The following RIMS2 variants were observed in gnomAD, a reference collection of about 807,000 sequenced individuals.
RIMS2 encodes regulating synaptic membrane exocytosis 2, also known as regulating synaptic membrane exocytosis protein 2.
In RIMS2, 59 loss-of-function variants were observed where a neutral mutation model predicts 174.4. That is an observed-to-expected ratio of 0.34 (90% CI 0.27 to 0.42). The LOEUF is 0.42. Ranked by LOEUF, RIMS2 falls within the 10% of genes least tolerant of loss-of-function variation. The pLI is 1.00. For missense variants in RIMS2, 1,620 were observed against 1,666.3 expected (o/e 0.97, Z 0.48); for synonymous variants, 606 against 572.5 (o/e 1.06, Z -0.84).
chr8:104,071,066 A>G (rs1742018588), intron 19 of RIMS2, among the ~76,000 whole-genome samples: 1 of 152,180 alleles, frequency 6.6e-6, no homozygotes, highest in African/African-American at 2.4e-5. Context: ...CTCATACAAT[A>G]AAGACAAGTT....
rs187343056 is a variant in RIMS2 at position 104,218,438 on chromosome 8, G to T, written c.3335-26478G>T. Among the ~76,000 whole-genome samples the T allele has an allele frequency of 2.0e-5, 3 of 152,136 alleles. No individual in the cohort carries two copies. In the East Asian group the frequency reaches 5.8e-4, roughly 29 times the overall value. On this transcript the variant is annotated intron_variant, in intron 19 of 23. Transcript: ENST00000504942. ...TTTGGCAACAGGAAACAGTTTTGTCGAAGACAGTTCTTCCACAGACCAGGA... is the reference window on the plus strand; with the variant it reads ...TTTGGCAACAGGAAACAGTTTTGTCTAAGACAGTTCTTCCACAGACCAGGA...
chr8:103,862,630 C>A (rs1348840498), intron 3 of RIMS2, among the ~76,000 whole-genome samples: 1 of 152,046 alleles, frequency 6.6e-6, no homozygotes, highest in Admixed American at 6.6e-5. Context: ...TTGTTGATGT[C>A]ATCTATGATA....
chr8:103,769,671 A>C (rs1251065895), intron 3 of RIMS2, among the ~76,000 whole-genome samples: 2 of 152,164 alleles, frequency 1.3e-5, no homozygotes, highest in Non-Finnish European at 2.9e-5. Flanking sequence ...AACAAATAAA[A>C]ATCTTATATT....
intron 2 of RIMS2, among the ~76,000 whole-genome samples, chr8:103,700,859 G>T (rs2097159066): frequency 6.6e-6 from 1 of 151,954 alleles, no homozygotes; most frequent in African/African-American, 2.4e-5. Context: ...ACCTTCAACT[G>T]ATATTACACT....
intron 17 of RIMS2, among the ~76,000 whole-genome samples, chr8:104,001,290 A>G (rs1242048023): frequency 3.9e-5 from 6 of 151,996 alleles, no homozygotes; most frequent in African/African-American, 1.4e-4. Context: ...GTATATCCCA[A>G]TTACCCAAAT....
intron 19 of RIMS2, among the ~76,000 whole-genome samples, chr8:104,221,677 T>G (rs1190718898): frequency 6.6e-6 from 1 of 152,152 alleles, no homozygotes; most frequent in Non-Finnish European, 1.5e-5. Flanking sequence ...GCAATAAATC[T>G]GGATGAGCCT....
chr8:104,132,645 A>G (rs562203925), intron 19 of RIMS2, among the ~76,000 whole-genome samples: 41 of 152,194 alleles, frequency 2.7e-4, no homozygotes, highest in Non-Finnish European at 1.9e-4. Context: ...ATATAGGAGG[A>G]CAGATAAGCA....
chr8:104,213,830 T>C (rs1056599493), intron 19 of RIMS2, among the ~76,000 whole-genome samples: 1 of 150,986 alleles, frequency 6.6e-6, no homozygotes, highest in African/African-American at 2.4e-5. Flanking sequence ...TGAACCGAGA[T>C]TGAGCCACTG....
At chr8:104,201,491 A>T (rs1035053953) in intron 19 of RIMS2, among the ~76,000 whole-genome samples, 2 of 152,210 alleles carry the variant, frequency 1.3e-5, no homozygotes, top group Non-Finnish European at 2.9e-5. Context: ...AATGTAAAAA[A>T]TTCGGCATCA....
intron 1 of RIMS2, among the ~76,000 whole-genome samples, chr8:103,676,486 C>G (rs1420886624): frequency 6.6e-6 from 1 of 152,016 alleles, no homozygotes; most frequent in Non-Finnish European, 1.5e-5. Context: ...TTTCTTTTTT[C>G]CTTCAGAACA....
intron 1 of RIMS2, among the ~76,000 whole-genome samples, chr8:103,633,713 A>ATTATTGG (rs1376581025): frequency 6.6e-6 from 1 of 152,056 alleles, no homozygotes; most frequent in African/African-American, 2.4e-5. Context: ...TTTGGAGCTC[A>ATTATTGG]TTATTGGTCC....
rs187596027 is a variant in RIMS2, at chr8:103,939,456, C to T, written c.2547+2734C>T. On this transcript the variant is annotated intron_variant, in intron 13 of 23. Coordinates refer to ENST00000504942, the Ensembl canonical transcript of RIMS2. Reference sequence around the variant, plus strand: ...ATACTTGGTGTCACAGCACAGGGACCGTGGGGCCAGCCCACAAAACCATTT... The same window carrying T: ...ATACTTGGTGTCACAGCACAGGGACTGTGGGGCCAGCCCACAAAACCATTT... 1.2e-4 allele frequency among the ~76,000 whole-genome samples: 18 copies of T among 152,286 alleles called. No individual in the cohort carries two copies. The East Asian group carries it at 2.9e-3, about 25-fold the overall frequency.
intron 1 of RIMS2, among the ~76,000 whole-genome samples, chr8:103,601,547 C>A (rs562856795): frequency 1.3e-5 from 2 of 151,870 alleles, no homozygotes; most frequent in African/African-American, 2.4e-5. Context: ...TATTTTCAGT[C>A]TATATGCATA....
chr8:104,101,980 AT>A (rs1049261790), intron 19 of RIMS2, among the ~76,000 whole-genome samples: 6 of 151,882 alleles, frequency 4.0e-5, no homozygotes, highest in African/African-American at 1.5e-4. Flanking sequence ...CCATGTTGAC[AT>A]TTTCCAGGAT....
At chr8:103,709,017 G>A (rs1431388738) in intron 2 of RIMS2, among the ~76,000 whole-genome samples, 2 of 151,776 alleles carry the variant, frequency 1.3e-5, no homozygotes, top group East Asian at 3.9e-4. Context: ...ATATTAATGT[G>A]CATTCAAGTT....
In RIMS2 at chr8:103,576,800, C is replaced by T. The variant is rs140600894; in HGVS notation, c.176+75738C>T. ...TCTACAACCATCTGATCTTTGATAT[C>T]CCTAACAAAAACAAGCAATGGGGAA... On this transcript the variant is annotated intron_variant, in intron 1 of 23. Transcript: ENST00000504942. Among the ~76,000 whole-genome samples, 626 of 152,178 alleles carry T rather than the reference C, an allele frequency of 4.1e-3. 5 individuals are homozygous for T. Among genetic ancestry groups the T allele is most frequent in the Non-Finnish European group, 6.2e-3 (424 of 67,982 alleles).
Position 103,618,167 on chromosome 8 carries a change from A to G in RIMS2, c.177-78919A>G, listed in dbSNP as rs74947500. On this transcript the variant is annotated intron_variant, in intron 1 of 23. Coordinates refer to ENST00000504942, the Ensembl canonical transcript of RIMS2. Reference sequence around the variant, plus strand: ...GAATATTATGTAGCCATGAAAAATGAAGATCATATCTTTTGCAGGAGCATG... The same window carrying G: ...GAATATTATGTAGCCATGAAAAATGGAGATCATATCTTTTGCAGGAGCATG... Among the ~76,000 whole-genome samples, 938 of 152,286 alleles carry G rather than the reference A, an allele frequency of 6.2e-3. 12 individuals are homozygous for G. The highest frequency in any genetic ancestry group is 0.021 in the African/African-American group (888 of 41,564).
At chr8:103,902,700 C>T (rs988284455) in intron 4 of RIMS2, among the ~76,000 whole-genome samples, 2 of 152,012 alleles carry the variant, frequency 1.3e-5, no homozygotes, top group African/African-American at 4.8e-5. Flanking sequence ...AGCAATATGT[C>T]TCAAAATATA....
chr8:103,629,998 A>AAT (rs1212739298), intron 1 of RIMS2, among the ~76,000 whole-genome samples: 1 of 152,066 alleles, frequency 6.6e-6, no homozygotes, highest in Non-Finnish European at 1.5e-5. Flanking sequence ...CTAAAAAAAA[A>AAT]ATTTTAAGAA....
Sources: allele counts gnomAD v4.1 joint callset (sites outside exome capture counted in the v4.1 genomes callset), GRCh38; gene constraint gnomAD v4.1.1; transcripts MANE v1.5; gene names NCBI Gene and HGNC (gene_info 2026-07-23, HGNC 2026-07-21).